Variants in EIF4G3 observed in about 807,000 individuals in gnomAD.
EIF4G3 encodes the protein eIF-4-gamma 3.
A neutral mutation model predicts 186.4 loss-of-function variants in EIF4G3; 34 were observed. That is an observed-to-expected ratio of 0.18 (90% CI 0.14 to 0.24). EIF4G3 has a LOEUF of 0.24. EIF4G3 is among the 10% of genes least tolerant of loss of function. EIF4G3 has a pLI of 1.00. For synonymous variants in EIF4G3, 673 were observed against 679.5 expected, an observed-to-expected ratio of 0.99 and a Z score of 0.15; for missense variants, 1,536 against 1,948.5, an observed-to-expected ratio of 0.79 and a Z score of 3.99.
chr1:20,930,453 A>T (rs1409718349), intron 14 of EIF4G3, among the ~76,000 whole-genome samples: 2 of 152,230 alleles, frequency 1.3e-5, no homozygotes, highest in Non-Finnish European at 2.9e-5. Flanking sequence ...ACAGGAATAG[A>T]TTCCAACTCA....
chr1:20,893,397 C>CTCT (rs558158883), intron 18 of EIF4G3, 120 bp downstream of exon 18: 3 of 1,086,276 alleles, frequency 2.8e-6, no homozygotes, highest in Non-Finnish European at 3.8e-6. Context: ...TAGTCTTTGC[C>CTCT]TCTTCTTCTT....
At chr1:20,872,208 G>A (rs2079399402) in intron 20 of EIF4G3, among the ~76,000 whole-genome samples, 1 of 151,662 alleles carries the variant, frequency 6.6e-6, no homozygotes, top group South Asian at 2.1e-4. Context: ...CTGCATCCTT[G>A]AACTCCTGGG....
At position 21,172,242 on chromosome 1, in the gene EIF4G3, T is replaced by C. The variant is rs1349994144; in HGVS notation, c.-272+3933A>G. The stretch of plus-strand genomic sequence containing the variant: ...AGAAAGCTATGTAAACCTGGGTTAA[T>C]TCTTACTCATTCTTCTAATTTAGCT... On this transcript the variant is annotated intron_variant, in intron 2 of 36. Coordinates refer to ENST00000602326, the MANE Select transcript of EIF4G3 (RefSeq NM_001391906.1). Among the ~76,000 whole-genome samples the C allele has an allele frequency of 1.3e-5, 2 of 152,092 alleles. 1 individual carries two copies. Among genetic ancestry groups the C allele is most frequent in the African/African-American group, 4.8e-5 (2 of 41,412 alleles).
At chr1:20,943,395 C>T (rs934674833) in intron 13 of EIF4G3, among the ~76,000 whole-genome samples, 8 of 152,150 alleles carry the variant, frequency 5.3e-5, no homozygotes, top group Non-Finnish European at 1.2e-4. Context: ...CATCATAATG[C>T]GGGTACCAGA....
intron 30 of EIF4G3, among the ~76,000 whole-genome samples, chr1:20,829,613 G>C (rs2064579308): frequency 6.6e-6 from 1 of 152,078 alleles, no homozygotes; most frequent in Non-Finnish European, 1.5e-5. Context: ...AAGTTCTAGG[G>C]GAAAAATTAT....
At chr1:20,847,976 T>G (rs1162873692) in intron 29 of EIF4G3, 4 of 382,450 alleles carry the variant, frequency 1.0e-5, no homozygotes, top group East Asian at 1.5e-4. Flanking sequence ...TTTCTTTTTT[T>G]TTGTTTGTTT....
At chr1:21,061,535 G>C (rs1223562938) in intron 3 of EIF4G3, among the ~76,000 whole-genome samples, 3 of 152,080 alleles carry the variant, frequency 2.0e-5, no homozygotes, top group Non-Finnish European at 4.4e-5. Flanking sequence ...CTAGAGGTAG[G>C]TTCATTACCA....
At chr1:20,815,905 G>GC (rs2060623298) in intron 34 of EIF4G3, among the ~76,000 whole-genome samples, 5 of 105,650 alleles carry the variant, frequency 4.7e-5, no homozygotes, top group Non-Finnish European at 1.0e-4. Context: ...CCGGCCAGCC[G>GC]CCCCGTCCGG....
intron 2 of EIF4G3, among the ~76,000 whole-genome samples, chr1:21,149,205 T>C (rs1334071086): frequency 6.6e-6 from 1 of 152,182 alleles, no homozygotes; most frequent in Non-Finnish European, 1.5e-5. Flanking sequence ...TGTATGTATA[T>C]ATATAAACAC....
intron 4 of EIF4G3, among the ~76,000 whole-genome samples, chr1:21,021,657 G>C (rs2090732422): frequency 6.6e-6 from 1 of 152,102 alleles, no homozygotes; most frequent in Non-Finnish European, 1.5e-5. Flanking sequence ...CTGGGTTCAA[G>C]CGATTCTCCT....
rs1285992718 is a variant in EIF4G3 at position 20,810,892 on chromosome 1, T to C, written c.4598-8A>G. ...TGAAGGTAGAAGAGTCGGCTAAAGG[T>C]GATAGAAGAACTAGGAATTACATTT... is the stretch of plus-strand genomic sequence containing the variant. On this transcript the variant is annotated splice_region_variant and splice_polypyrimidine_tract_variant and intron_variant, in intron 35 of 36. Coordinates refer to ENST00000602326, the MANE Select transcript of EIF4G3 (RefSeq NM_001391906.1). The surrounding 1 kb of genome is among the most constrained non-coding windows in gnomAD (Gnocchi z 4.1). 1.2e-6 allele frequency: 2 copies of C among 1,606,534 alleles called. No homozygotes were observed. Among genetic ancestry groups the C allele is most frequent in the African/African-American group, 1.3e-5 (1 of 74,730 alleles).
At chr1:21,073,574 T>C (rs1353933619) in intron 3 of EIF4G3, 5 of 456,096 alleles carry the variant, frequency 1.1e-5, no homozygotes, top group African/African-American at 7.9e-5. Context: ...AATGGCATCT[T>C]CTCACAGGAA....
chr1:21,176,266 C>A lies in EIF4G3; in HGVS notation c.-363G>T. The A allele has an allele frequency of 2.8e-6, 1 of 358,492 alleles. No homozygotes were observed. 22.2% of individuals were successfully genotyped at this position (358,492 alleles called of 1,614,324 possible). ...GCCGCCGCCGCCGCCGCCGCCGCCG[C>A]TGCTGCCGCCGCCGGGTGAGGAGGC... On this transcript the variant is annotated 5_prime_UTR_variant, in exon 2 of 37. Transcript: ENST00000602326.
intron 14 of EIF4G3, among the ~76,000 whole-genome samples, chr1:20,920,582 T>G (rs1017195496): frequency 6.6e-6 from 1 of 152,224 alleles, no homozygotes; most frequent in African/African-American, 2.4e-5. Flanking sequence ...CTTTCTTCGA[T>G]TAATCTACCA....
At chr1:21,027,422 A>G (rs2154571542) in intron 4 of EIF4G3, among the ~76,000 whole-genome samples, 1 of 151,924 alleles carries the variant, frequency 6.6e-6, no homozygotes, top group South Asian at 2.1e-4. Flanking sequence ...CAAGGTCAGG[A>G]GTTCGAGACC....
intron 27 of EIF4G3, 98 bp downstream of exon 27, chr1:20,853,462 C>A: frequency 2.9e-6 from 2 of 680,180 alleles, no homozygotes; most frequent in South Asian, 1.9e-5. Flanking sequence ...AAAAGGAATG[C>A]ATCCATAAGG....
Position 21,103,451 on chromosome 1 carries a change from T to C in EIF4G3, c.-271-14238A>G, listed in dbSNP as rs567886203. ...ATTATAAATAATGCCCTAGAGAATA[T>C]TGAGTGTGATTCATTTTATCTGGAG... is the stretch of plus-strand genomic sequence containing the variant. On this transcript the variant is annotated intron_variant, in intron 2 of 36. Transcript: ENST00000602326. 2.2e-4 allele frequency among the ~76,000 whole-genome samples: 33 copies of C among 152,270 alleles called. 1 individual carries two copies. In the South Asian group the frequency reaches 4.8e-3, roughly 22 times the overall value.
chr1:21,038,231 A>C (rs991599172), intron 4 of EIF4G3, among the ~76,000 whole-genome samples: 1 of 152,222 alleles, frequency 6.6e-6, no homozygotes, highest in Non-Finnish European at 1.5e-5. Flanking sequence ...CTTAGCTTTT[A>C]CTTATACAGC....
At chr1:21,072,045 T>C (rs148363771) in intron 3 of EIF4G3, among the ~76,000 whole-genome samples, 169 of 152,258 alleles carry the variant, frequency 1.1e-3, no homozygotes, top group African/African-American at 3.8e-3. Flanking sequence ...ATGGCAACGG[T>C]TAAGTCAAAA....
Sources: allele counts gnomAD v4.1 joint callset (sites outside exome capture counted in the v4.1 genomes callset), GRCh38; gene constraint gnomAD v4.1.1; non-coding constraint Gnocchi (gnomAD v3.1); transcripts MANE v1.5; gene names NCBI Gene and HGNC (gene_info 2026-07-23, HGNC 2026-07-21).